The following PDGFRA variants were observed in gnomAD, a reference collection of about 807,000 sequenced individuals.
PDGFRA encodes the protein platelet-derived growth factor receptor alpha.
PDGFRA carries 25 observed loss-of-function variants against 121.5 expected under a neutral mutation model. The observed-to-expected ratio is 0.21, with a 90% confidence interval of 0.15 to 0.29. PDGFRA has a LOEUF of 0.29. Among genes scored for constraint, PDGFRA ranks in the 10% least tolerant of loss-of-function variants. PDGFRA has a pLI of 1.00. For synonymous variants in PDGFRA, 463 were observed against 494.8 expected, an observed-to-expected ratio of 0.94 and a Z score of 0.85; for missense variants, 1,008 against 1,345.1, an observed-to-expected ratio of 0.75 and a Z score of 3.92.
Position 54,277,470 on chromosome 4 carries a change from A to G in PDGFRA, c.1869A>G (p.Lys623=), listed in dbSNP as rs1328605799. The G allele has an allele frequency of 6.2e-7, 1 of 1,613,426 alleles. No homozygotes were observed. Among genetic ancestry groups the G allele is most frequent in the African/African-American group, 1.3e-5 (1 of 74,902 alleles). The change falls in exon 13 of 23, where the codon AAA becomes AAG. Residue 623 remains lysine (K), a synonymous_variant. Transcript: ENST00000257290. ...TAAGCCGGTCCCAACCTGTCATGAAAGTTGCAGTGAAGATGCTAAAACGTA... is the reference window on the plus strand; with the variant it reads ...TAAGCCGGTCCCAACCTGTCATGAAGGTTGCAGTGAAGATGCTAAAACGTA... ...YGLSRSQPVM[K]VAVKMLKPTA... is the part of the protein sequence containing the mutation.
Position 54,280,560 on chromosome 4 carries a change from G to A in PDGFRA, c.2323+78G>A, listed in dbSNP as rs1297066726. 4.1e-6 allele frequency: 5 copies of A among 1,215,466 alleles called. No individual in the cohort carries two copies. The Admixed American group carries it at 9.2e-5, about 22-fold the overall frequency. 75.3% of individuals were successfully genotyped at this position (1,215,466 alleles called of 1,614,324 possible). A position where few individuals can be genotyped will look rare whatever the true frequency, so the allele number is the denominator to read the frequency against. ...TGATACTTAAAGTATTTAGAGGGAA[G>A]TGTATAGGGATGGTAAGTGAACCTG... On this transcript the variant is annotated intron_variant, in intron 16 of 22. Coordinates refer to ENST00000257290, the MANE Select transcript of PDGFRA (RefSeq NM_006206.6).
chr4:54,278,255 T>C (rs1723859613), intron 14 of PDGFRA, 107 bp from the exon 15 acceptor site: 5 of 782,806 alleles, frequency 6.4e-6, no homozygotes, highest in Non-Finnish European at 8.4e-6. Flanking sequence ...AAAAAAAAAC[T>C]TTTTTGGTAT....
chr4:54,240,267 CT>C (rs1721230636), intron 1 of PDGFRA, among the ~76,000 whole-genome samples: 1 of 152,240 alleles, frequency 6.6e-6, no homozygotes, highest in Non-Finnish European at 1.5e-5. Context: ...AGGCAAGACA[CT>C]TGGTTTTGAG....
intron 1 of PDGFRA, among the ~76,000 whole-genome samples, chr4:54,232,039 C>A (rs985832283): frequency 6.6e-6 from 1 of 152,240 alleles, no homozygotes; most frequent in Non-Finnish European, 1.5e-5. Flanking sequence ...GACGTGGTGG[C>A]CAGCGCCTTC....
chr4:54,280,866 T>G (rs1577735838), intron 16 of PDGFRA: 1 of 174,312 alleles, frequency 5.7e-6, no homozygotes, highest in Non-Finnish European at 1.2e-5. Flanking sequence ...TGCCCTTACT[T>G]GGCAGAATTA....
rs1359435182 is a variant in PDGFRA, at chr4:54,267,300, C to CATCA, written c.772_775dup (p.Thr259AsnfsTer54). 1.2e-6 allele frequency: 2 copies of CATCA among 1,614,006 alleles called. No homozygotes were observed. Among genetic ancestry groups the CATCA allele is most frequent in the Admixed American group, 1.7e-5 (1 of 60,000 alleles). On this transcript the variant is annotated frameshift_variant, in exon 6 of 23. Transcript: ENST00000257290. LOFTEE classifies it high-confidence loss of function. ...CCCTTTTGCTGTAGAAAGGCAAAGG[C>CATCA]ATCACAATGCTGGAAGAAATCAAAG...
intron 1 of PDGFRA, 36 bp downstream of exon 1, chr4:54,229,451 G>A (rs1424312634): frequency 7.6e-6 from 3 of 397,136 alleles, no homozygotes; most frequent in Non-Finnish European, 1.3e-5. Flanking sequence ...TTGTTTATAA[G>A]GGAAGTCCCT....
intron 16 of PDGFRA, chr4:54,281,688 G>GA (rs1260707260): frequency 1.5e-6 from 2 of 1,362,142 alleles, no homozygotes; most frequent in Non-Finnish European, 1.9e-6. Context: ...GTGACTATCT[G>GA]AAAAAAATCG....
rs4358459 is a variant in PDGFRA at position 54,267,559 on chromosome 4, T to G, written c.939T>G (p.Gly313=). 0.15 allele frequency: 236,548 copies of G among 1,613,524 alleles called. 20,756 individuals are homozygous for G. The highest frequency in any genetic ancestry group is 0.37 in the Admixed American group (22,019 of 60,002). ...AAACTCTTCCCTGTACAGAGAAAGG[T>G]TTCATTGAAATCAAACCCACCTTCA... ...KKVTISVHEK[G]FIEIKPTFSQ... is the part of the protein sequence containing the mutation. Residue 313 remains glycine (G), a synonymous_variant, in exon 7 of 23, where the codon GGT becomes GGG. Coordinates refer to ENST00000257290, the MANE Select transcript of PDGFRA (RefSeq NM_006206.6).
chr4:54,281,106 A>G (rs973387325), intron 16 of PDGFRA, among the ~76,000 whole-genome samples: 1 of 152,190 alleles, frequency 6.6e-6, no homozygotes, highest in African/African-American at 2.4e-5. Context: ...AATATGTGGC[A>G]GGGTTAAATT....
At position 54,280,441 on chromosome 4, in the gene PDGFRA, T is replaced by G. The variant is rs148654387; in HGVS notation, c.2282T>G (p.Leu761Arg). The G allele has an allele frequency of 6.2e-4, 994 of 1,613,826 alleles. 16 individuals carry two copies. The Admixed American group carries it at 0.015, about 25-fold the overall frequency. ...AAATATTCCGACATCCAGAGATCACTCTATGATCGTCCAGCCTCATATAAG... is the reference window on the plus strand; with the variant it reads ...AAATATTCCGACATCCAGAGATCACGCTATGATCGTCCAGCCTCATATAAG... ...VSKYSDIQRS[L>R]YDRPASYKKK... The change falls in exon 16 of 23, where the codon CTC (leucine) becomes CGC (arginine). Residue 761 changes from leucine (L) to arginine (R), a missense_variant. Physicochemically the swap from Leu to Arg is moderately radical, Grantham distance 102. Around this residue, in one of 5 missense-constraint regions of PDGFRA, gnomAD observed 128 missense variants for 147.6 expected, o/e 0.87. Transcript: ENST00000257290.
Position 54,229,321 on chromosome 4 carries a change from C to T in PDGFRA, c.-107C>T, listed in dbSNP as rs1720529621. 1 of 398,270 alleles carries T rather than the reference C, an allele frequency of 2.5e-6. No individual in the cohort carries two copies. The highest frequency in any genetic ancestry group is 4.4e-6 in the Non-Finnish European group (1 of 226,008). 24.7% of individuals were successfully genotyped at this position (398,270 alleles called of 1,614,324 possible). On this transcript the variant is annotated 5_prime_UTR_variant, in exon 1 of 23. Coordinates refer to ENST00000257290, the MANE Select transcript of PDGFRA (RefSeq NM_006206.6). ...ACTGTTGGAGCTACAGGGAGAGAAA[C>T]AGAGGAGGAGACTGCAAGAGATCAT...
At chr4:54,234,286 A>G (rs191220499) in intron 1 of PDGFRA, among the ~76,000 whole-genome samples, 7 of 152,290 alleles carry the variant, frequency 4.6e-5, no homozygotes, top group African/African-American at 1.7e-4. Context: ...CGGGCTTTCA[A>G]CTGAGGTCAC....
At chr4:54,254,150 G>A (rs141171384) in intron 1 of PDGFRA, among the ~76,000 whole-genome samples, 476 of 152,320 alleles carry the variant, frequency 3.1e-3, no homozygotes, top group Non-Finnish European at 5.4e-3. Context: ...CTTCCAGAAA[G>A]CCTCACTACA....
chr4:54,290,661 T>C (rs1724584807), intron 22 of PDGFRA, 107 bp downstream of exon 22: 2 of 1,284,254 alleles, frequency 1.6e-6, no homozygotes, highest in Non-Finnish European at 2.3e-6. Context: ...GGTAAATATG[T>C]ACTCAGGGAC....
At position 54,285,391 on chromosome 4, in the gene PDGFRA, C is replaced by T. The variant is rs1577741455; in HGVS notation, c.2344C>T (p.Leu782Phe). The change falls in exon 17 of 23, where the codon CTT becomes TTT. Residue 782 changes from leucine (L) to phenylalanine (F), a missense_variant. This residue lies in a region of PDGFRA where 128 missense variants were observed against 147.6 expected (regional missense o/e 0.87). Coordinates refer to ENST00000257290, the MANE Select transcript of PDGFRA (RefSeq NM_006206.6). ...SMLDSEVKNL[L>F]SDDNSEGLTL... ...TGCAGACTCAGAAGTCAAAAACCTC[C>T]TTTCAGATGATAACTCAGAAGGCCT... 2 of 1,497,650 alleles carry T rather than the reference C, an allele frequency of 1.3e-6. No homozygotes were observed. Among genetic ancestry groups the T allele is most frequent in the African/African-American group, 1.4e-5 (1 of 72,670 alleles). The allele number at this position is 1,497,650 out of a possible 1,614,324, so 92.8% of individuals were successfully genotyped here. A position where few individuals can be genotyped will look rare whatever the true frequency, so the allele number is the denominator to read the frequency against.
rs899581297 is a variant in PDGFRA at position 54,250,797 on chromosome 4, G to T, written c.-12-7960G>T. Among the ~76,000 whole-genome samples, 4 of 152,154 alleles carry T rather than the reference G, an allele frequency of 2.6e-5. No individual in the cohort carries two copies. In the East Asian group the frequency reaches 7.7e-4, roughly 29 times the overall value. On this transcript the variant is annotated intron_variant, in intron 1 of 22. Transcript: ENST00000257290. ...ATTGTGCCATTGGCTGGGCATGATG[G>T]CTCACAACTGTAATCCCAGCACTTT...
At chr4:54,273,790 C>T in intron 10 of PDGFRA, 60 bp downstream of exon 10, 1 of 1,396,242 alleles carries the variant, frequency 7.2e-7, no homozygotes, top group Non-Finnish European at 1.0e-6. Flanking sequence ...CCAGGCGGAA[C>T]TTTGAATCCC....
chr4:54,267,244 G>A, intron 5 of PDGFRA, 45 bp from the exon 6 acceptor site: 1 of 1,584,438 alleles, frequency 6.3e-7, no homozygotes, highest in Non-Finnish European at 8.7e-7. Flanking sequence ...TTCACTCCTA[G>A]GAGCGAGCTT....
Sources: gnomAD v4.1 joint callset for allele counts (sites outside exome capture counted in the v4.1 genomes callset) on GRCh38, gnomAD v4.1.1 for gene constraint, gnomAD v4.1.1 regional missense constraint, MANE v1.5 for transcripts, NCBI Gene and HGNC (gene_info 2026-07-23, HGNC 2026-07-21) for gene names.